Variants in PRRX1 observed in about 807,000 individuals in gnomAD.
PRRX1 encodes the protein paired related homeobox 1.
PRRX1 carries 8 observed loss-of-function variants against 24.0 expected under a neutral mutation model. The ratio of observed to expected loss-of-function variants is 0.33; its 90% confidence interval spans 0.20 to 0.60. The LOEUF (loss-of-function observed/expected upper bound fraction) is 0.60. Among genes scored for constraint, PRRX1 ranks in the 20% least tolerant of loss-of-function variants. PRRX1 has a pLI of 0.82. For missense variants in PRRX1, 281 were observed against 322.4 expected (o/e 0.87, Z 0.98); for synonymous variants, 160 against 131.7 (o/e 1.22, Z -1.47).
rs1005065832 is a variant in PRRX1 at position 170,729,543 on chromosome 1, T to A, written c.599+3142T>A. Among the ~76,000 whole-genome samples, 8 of 152,300 alleles carry A rather than the reference T, an allele frequency of 5.3e-5. 1 individual carries two copies. Among genetic ancestry groups the A allele is most frequent in the Admixed American group, 4.6e-4 (7 of 15,304 alleles). On this transcript the variant is annotated intron_variant, in intron 3 of 3. Coordinates refer to ENST00000239461, the MANE Select transcript of PRRX1 (RefSeq NM_022716.4). ...ACATCCAGAGTCATGGATGTGTAAT[T>A]TATTGTTCAAACTGGGACATTTTTT...
At chr1:170,715,809 G>A (rs1441517253) in intron 1 of PRRX1, among the ~76,000 whole-genome samples, 1 of 152,112 alleles carries the variant, frequency 6.6e-6, no homozygotes, top group Non-Finnish European at 1.5e-5. Context: ...GATATTCATC[G>A]ACCCTCTTTC....
chr1:170,673,965 A>T (rs1195866586), intron 1 of PRRX1, among the ~76,000 whole-genome samples: 5 of 152,236 alleles, frequency 3.3e-5, no homozygotes, highest in African/African-American at 1.2e-4. Context: ...GGTTACAAAG[A>T]CTGGATATAA....
intron 1 of PRRX1, among the ~76,000 whole-genome samples, chr1:170,690,210 C>T (rs1653892082): frequency 6.6e-6 from 1 of 151,684 alleles, no homozygotes; most frequent in Admixed American, 6.6e-5. Context: ...CAGATAAGGT[C>T]TGGTCCGTGC....
chr1:170,693,765 A>G (rs1346672234), intron 1 of PRRX1, among the ~76,000 whole-genome samples: 1 of 152,040 alleles, frequency 6.6e-6, no homozygotes, highest in East Asian at 1.9e-4. Context: ...AATCAGACTA[A>G]ATTTACAAGA....
At chr1:170,679,944 T>C (rs1287566541) in intron 1 of PRRX1, among the ~76,000 whole-genome samples, 2 of 152,244 alleles carry the variant, frequency 1.3e-5, no homozygotes, top group African/African-American at 2.4e-5. Flanking sequence ...TGTTTACTTA[T>C]CTTTTTTATG....
intron 1 of PRRX1, among the ~76,000 whole-genome samples, chr1:170,675,581 C>A (rs1435689669): frequency 6.6e-6 from 1 of 152,012 alleles, no homozygotes; most frequent in East Asian, 1.9e-4. Flanking sequence ...TCTTCCAGGA[C>A]ATGATAGTGT....
Position 170,736,544 on chromosome 1 carries a change from C to CTA in PRRX1, c.*384_*385dup, listed in dbSNP as rs61148079. ...AAAAAAACTACAGCAGCCAAAGAAACTATATATATATATATATATATATAT... is the reference window on the plus strand; with the variant it reads ...AAAAAAACTACAGCAGCCAAAGAAACTATATATATATATATATATATATATAT... On this transcript the variant is annotated 3_prime_UTR_variant, in exon 4 of 4. Transcript: ENST00000239461. 0.026 allele frequency: 5,944 copies of CTA among 227,458 alleles called. 157 individuals carry two copies. The highest frequency in any genetic ancestry group is 0.078 in the African/African-American group (3,210 of 41,126). The allele number at this position is 227,458 out of a possible 1,614,324, so 14.1% of individuals were successfully genotyped here.
At chr1:170,681,432 C>A (rs1289698608) in intron 1 of PRRX1, among the ~76,000 whole-genome samples, 2 of 151,658 alleles carry the variant, frequency 1.3e-5, no homozygotes, top group Non-Finnish European at 2.9e-5. Context: ...AACTGTGGTA[C>A]CTGACTGTGC....
chr1:170,670,629 G>C (rs182393555), intron 1 of PRRX1, among the ~76,000 whole-genome samples: 1 of 151,922 alleles, frequency 6.6e-6, no homozygotes, highest in Non-Finnish European at 1.5e-5. Flanking sequence ...ATGGGGTATC[G>C]ATTTTTAACT....
chr1:170,721,629 G>A (rs1432935282), intron 2 of PRRX1, among the ~76,000 whole-genome samples: 1 of 152,118 alleles, frequency 6.6e-6, no homozygotes, highest in Non-Finnish European at 1.5e-5. Flanking sequence ...GGCCCCTGAG[G>A]GTAGATCAGG....
chr1:170,683,895 C>G (rs1653637076), intron 1 of PRRX1, among the ~76,000 whole-genome samples: 1 of 152,088 alleles, frequency 6.6e-6, no homozygotes, highest in Admixed American at 6.5e-5. Flanking sequence ...GGTCTTTTCT[C>G]CAAGCAAACA....
chr1:170,707,043 T>A (rs930607465), intron 1 of PRRX1, among the ~76,000 whole-genome samples: 3 of 151,940 alleles, frequency 2.0e-5, no homozygotes, highest in African/African-American at 7.3e-5. Context: ...GAGGATCACT[T>A]GAGCCCAGTA....
chr1:170,694,826 A>G (rs1654112888), intron 1 of PRRX1, among the ~76,000 whole-genome samples: 1 of 152,170 alleles, frequency 6.6e-6, no homozygotes, highest in South Asian at 2.1e-4. Context: ...GTGGCCTTAT[A>G]GATAAAAATT....
chr1:170,725,057 T>C (rs974855634), intron 2 of PRRX1, among the ~76,000 whole-genome samples: 3 of 152,166 alleles, frequency 2.0e-5, no homozygotes, highest in South Asian at 2.1e-4. Flanking sequence ...GAATGGGAGT[T>C]CATTCATGAT....
chr1:170,695,459 G>A (rs1247026280), intron 1 of PRRX1, among the ~76,000 whole-genome samples: 1 of 152,124 alleles, frequency 6.6e-6, no homozygotes, highest in East Asian at 1.9e-4. Flanking sequence ...AGTGTCATTT[G>A]TCTGTTGACA....
At chr1:170,705,023 T>C (rs1654510128) in intron 1 of PRRX1, among the ~76,000 whole-genome samples, 1 of 152,192 alleles carries the variant, frequency 6.6e-6, no homozygotes, top group South Asian at 2.1e-4. Flanking sequence ...AAGGCACACA[T>C]GTTATTTGGG....
intron 1 of PRRX1, among the ~76,000 whole-genome samples, chr1:170,711,076 A>G (rs190643965): frequency 1.7e-4 from 26 of 152,338 alleles, no homozygotes; most frequent in Admixed American, 1.6e-3. Context: ...ACAAAATTTG[A>G]ATTTTTGTTC....
chr1:170,679,213 T>C (rs1269302475), intron 1 of PRRX1, among the ~76,000 whole-genome samples: 2 of 152,148 alleles, frequency 1.3e-5, no homozygotes, highest in African/African-American at 4.8e-5. Context: ...TTTTATATTA[T>C]AGGAGGCTTA....
intron 1 of PRRX1, among the ~76,000 whole-genome samples, chr1:170,715,867 T>C (rs1252740572): frequency 6.6e-6 from 1 of 152,240 alleles, no homozygotes; most frequent in African/African-American, 2.4e-5. Context: ...GTCTTTCCTA[T>C]AAATATTTTC....
Sources: allele counts gnomAD v4.1 joint callset (sites outside exome capture counted in the v4.1 genomes callset), GRCh38; gene constraint gnomAD v4.1.1; transcripts MANE v1.5; gene names NCBI Gene and HGNC (gene_info 2026-07-23, HGNC 2026-07-21).